Variants in PPP1R1C observed in about 807,000 individuals in gnomAD.
PPP1R1C encodes the protein protein phosphatase 1 regulatory subunit 1C.
Under a neutral mutation model 17.4 loss-of-function variants are expected in PPP1R1C, and 15 were observed. The observed-to-expected ratio is 0.86, with a 90% CI of 0.58 to 1.33. The LOEUF is 1.33. PPP1R1C is among the 40% of genes most tolerant of loss of function. The probability of loss-of-function intolerance (pLI) is 0.00; values close to 1 mark genes in which losing one functional copy is unlikely to be tolerated. For missense variants in PPP1R1C, 143 were observed against 130.0 expected, an observed-to-expected ratio of 1.10 and a Z score of -0.48; for synonymous variants, 35 against 43.1, an observed-to-expected ratio of 0.81 and a Z score of 0.73.
At chr2:181,971,606 C>T (rs1009137390) in intron 1 of PPP1R1C, among the ~76,000 whole-genome samples, 8 of 152,152 alleles carry the variant, frequency 5.3e-5, no homozygotes, top group Non-Finnish European at 1.0e-4. Context: ...TGCAAGTCCC[C>T]TCACTCCACA....
At chr2:181,970,548 C>A (rs762035029) in intron 1 of PPP1R1C, among the ~76,000 whole-genome samples, 15 of 152,178 alleles carry the variant, frequency 9.9e-5, no homozygotes, top group Non-Finnish European at 2.1e-4. Flanking sequence ...TAGGTCTTGA[C>A]CAAAGTCCAT....
At chr2:181,978,622 T>A (rs1685139881) in intron 2 of PPP1R1C, among the ~76,000 whole-genome samples, 1 of 152,082 alleles carries the variant, frequency 6.6e-6, no homozygotes, top group South Asian at 2.1e-4. Context: ...GAGGGAGCAG[T>A]CCTAGCTGGA....
At chr2:182,023,765 C>G (rs533734310) in intron 2 of PPP1R1C, 1 of 152,132 alleles carries the variant, frequency 6.6e-6, no homozygotes, top group East Asian at 1.9e-4. Flanking sequence ...GGACTACAGG[C>G]ATGCACCATC....
chr2:182,089,354 T>G (rs1042641008), intron 4 of PPP1R1C, among the ~76,000 whole-genome samples: 2 of 152,152 alleles, frequency 1.3e-5, no homozygotes, highest in Admixed American at 6.5e-5. Flanking sequence ...AGGAAGAGAT[T>G]AATTCTTACT....
At chr2:181,968,143 G>A (rs886310743) in intron 1 of PPP1R1C, among the ~76,000 whole-genome samples, 3 of 152,214 alleles carry the variant, frequency 2.0e-5, no homozygotes, top group Admixed American at 1.3e-4. Flanking sequence ...AATGATTCAG[G>A]TGCTGAGGAG....
At chr2:181,981,812 A>G (rs1017868843), upstream of PPP1R1C, among the ~76,000 whole-genome samples, 1 of 152,236 alleles carries the variant, frequency 6.6e-6, no homozygotes, top group Non-Finnish European at 1.5e-5. Context: ...TGTGACTGCC[A>G]GCATTTGGGT....
chr2:182,083,199 T>G (rs1688532108), intron 4 of PPP1R1C, among the ~76,000 whole-genome samples: 1 of 152,222 alleles, frequency 6.6e-6, no homozygotes, highest in African/African-American at 2.4e-5. Flanking sequence ...TTGGTTTCAG[T>G]CTTCAAAACA....
intron 2 of PPP1R1C, among the ~76,000 whole-genome samples, chr2:182,003,644 CA>C (rs1184077925): frequency 7.9e-5 from 12 of 151,744 alleles, no homozygotes. Flanking sequence ...GTAGCATCTC[CA>C]AGCTAATAAA....
chr2:182,015,916 G>T (rs1009197961), intron 2 of PPP1R1C, among the ~76,000 whole-genome samples: 2 of 152,162 alleles, frequency 1.3e-5, no homozygotes, highest in East Asian at 3.9e-4. Flanking sequence ...TGGCTGCCCT[G>T]GCTGGTATCT....
chr2:181,994,547 A>T (rs1465323548), intron 2 of PPP1R1C, among the ~76,000 whole-genome samples: 1 of 152,160 alleles, frequency 6.6e-6, no homozygotes, highest in African/African-American at 2.4e-5. Context: ...CTCTTATTTA[A>T]ATAAACTTCA....
intron 2 of PPP1R1C, among the ~76,000 whole-genome samples, chr2:181,977,462 T>G (rs1685114547): frequency 6.6e-6 from 1 of 152,172 alleles, no homozygotes; most frequent in Non-Finnish European, 1.5e-5. Context: ...TTTTTTCTTA[T>G]CTTTGCATTC....
Position 181,961,726 on chromosome 2 carries a change from A to C in PPP1R1C, n.111+7092A>C, listed in dbSNP as rs1684797941. 15 of 857,212 alleles carry C rather than the reference A, an allele frequency of 1.7e-5. No homozygotes were observed. Among genetic ancestry groups the C allele is most frequent in the Admixed American group, 3.4e-5 (2 of 58,462 alleles). 53.1% of individuals were successfully genotyped at this position (857,212 alleles called of 1,614,324 possible). A position where few individuals can be genotyped will look rare whatever the true frequency, so the allele number is the denominator to read the frequency against. On this transcript the variant is annotated intron_variant and non_coding_transcript_variant, in intron 1 of 5. Coordinates refer to the PPP1R1C transcript ENST00000464264. This position sits in a 1 kb window ranked among gnomAD's most constrained non-coding sequence, Gnocchi z 5.8. Reference sequence around the variant, plus strand: ...AGTCAGCTCATCATATTGGGCCCGGATATCTGCTATGATCTTGGCAAGGTC... The same window carrying C: ...AGTCAGCTCATCATATTGGGCCCGGCTATCTGCTATGATCTTGGCAAGGTC...
At chr2:182,128,249 G>A (rs2125244011) in intron 5 of PPP1R1C, among the ~76,000 whole-genome samples, 1 of 152,196 alleles carries the variant, frequency 6.6e-6, no homozygotes, top group East Asian at 1.9e-4. Context: ...AATCATTTCT[G>A]ATAATGATAA....
intron 5 of PPP1R1C, among the ~76,000 whole-genome samples, chr2:182,125,423 T>G (rs1012021315): frequency 2.6e-5 from 4 of 152,186 alleles, no homozygotes; most frequent in African/African-American, 9.6e-5. Context: ...TAAAATGAGT[T>G]AGGGAGGAGT....
At chr2:182,086,449 G>A (rs930791619) in intron 4 of PPP1R1C, among the ~76,000 whole-genome samples, 45 of 152,034 alleles carry the variant, frequency 3.0e-4, no homozygotes, top group African/African-American at 9.7e-4. Flanking sequence ...AATGGAAATC[G>A]ATACCACTTT....
intron 4 of PPP1R1C, among the ~76,000 whole-genome samples, chr2:182,083,549 A>G (rs1289590543): frequency 6.6e-6 from 1 of 152,182 alleles, no homozygotes; most frequent in African/African-American, 2.4e-5. Flanking sequence ...TTCACTTAGA[A>G]TAATGGCCTC....
rs538909216 is a variant in PPP1R1C at position 181,966,737 on chromosome 2, G to A, written n.112-8482G>A. Among the ~76,000 whole-genome samples the A allele has an allele frequency of 8.5e-5, 13 of 152,088 alleles. 1 individual carries two copies. In the South Asian group the frequency reaches 1.9e-3, roughly 22 times the overall value. ...GTATTTTGTTAAGGGTTTTTGCATC[G>A]ATATTCAGAGATATTGACCTGTGAT... On this transcript the variant is annotated intron_variant and non_coding_transcript_variant, in intron 1 of 5. Coordinates refer to the PPP1R1C transcript ENST00000464264.
chr2:182,066,514 T>G (rs1049557145), intron 4 of PPP1R1C, among the ~76,000 whole-genome samples: 11 of 152,130 alleles, frequency 7.2e-5, no homozygotes, highest in African/African-American at 2.7e-4. Context: ...CTTGTCACCA[T>G]CATTAAACCA....
At chr2:182,059,733 C>CAACAAG (rs143155477) in intron 2 of PPP1R1C, among the ~76,000 whole-genome samples, 6,846 of 152,042 alleles carry the variant, frequency 0.045, 505 homozygotes, top group African/African-American at 0.16. Flanking sequence ...ACAACAACAA[C>CAACAAG]AACAACAAAA....
Sources: gnomAD v4.1 joint callset for allele counts (sites outside exome capture counted in the v4.1 genomes callset) on GRCh38, gnomAD v4.1.1 for gene constraint, Gnocchi (gnomAD v3.1) non-coding constraint, MANE v1.5 for transcripts, NCBI Gene and HGNC (gene_info 2026-07-23, HGNC 2026-07-21) for gene names.